FMR1: variants seen among roughly 807,000 people sequenced by gnomAD.
FMR1 encodes FMRP translational regulator 1.
FMR1 carries 13 observed loss-of-function variants against 50.6 expected under a neutral mutation model. The observed-to-expected ratio is 0.26, with a 90% confidence interval of 0.17 to 0.41. The LOEUF is 0.41. Among genes scored for constraint, FMR1 ranks in the 10% least tolerant of loss-of-function variants. The probability of loss-of-function intolerance (pLI) is 1.00; values close to 1 mark genes in which losing one functional copy is unlikely to be tolerated. For synonymous variants in FMR1, 138 were observed against 164.1 expected (o/e 0.84, Z 1.22); for missense variants, 316 against 491.3 (o/e 0.64, Z 3.37).
intron 1 of FMR1, among the ~76,000 whole-genome samples, chrX:147,918,315 C>T (rs1557175669): frequency 8.9e-6 from 1 of 111,736 alleles, no homozygotes; most frequent in East Asian, 2.8e-4. Context: ...GTAGACCAAA[C>T]GTAACCTATG....
At chrX:147,934,543 A>T (rs1557179347) in intron 9 of FMR1, among the ~76,000 whole-genome samples, 1 of 111,828 alleles carries the variant, frequency 8.9e-6, no homozygotes, top group Non-Finnish European at 1.9e-5. Context: ...GTAGAACAGA[A>T]TCACAGTAAA....
At chrX:147,928,887 T>A in intron 5 of FMR1, 80 bp downstream of exon 5, 1 of 1,010,568 alleles carries the variant, frequency 9.9e-7, no homozygotes, top group Non-Finnish European at 1.4e-6. Context: ...AGTTTAAAAT[T>A]TTTTAAACTA....
chrX:147,926,359 C>T (rs1162951869), intron 3 of FMR1, among the ~76,000 whole-genome samples: 1 of 111,992 alleles, frequency 8.9e-6, no homozygotes, highest in East Asian at 2.8e-4. Context: ...CAATAATAAG[C>T]ATAATGCCTT....
chrX:147,932,853 C>T, intron 9 of FMR1, 90 bp downstream of exon 9: 2 of 588,695 alleles, frequency 3.4e-6, no homozygotes, highest in Middle Eastern at 5.3e-4. Context: ...TTTTTTCTTA[C>T]TGGAGGGTAT....
chrX:147,922,051 C>T (rs2043195761), intron 2 of FMR1, 66 bp downstream of exon 2: 3 of 695,117 alleles, frequency 4.3e-6, no homozygotes, highest in Non-Finnish European at 6.7e-6. Context: ...TTCTACTCTT[C>T]ATTTTTTAAA....
chrX:147,931,168 T>A (rs2043592343), intron 7 of FMR1, among the ~76,000 whole-genome samples: 1 of 112,010 alleles, frequency 8.9e-6, no homozygotes, highest in South Asian at 3.7e-4. Context: ...TGTGGTTCCT[T>A]CAGTGATTCT....
chrX:147,940,540 A>G, intron 12 of FMR1, 36 bp from the exon 13 acceptor site: 1 of 897,386 alleles, frequency 1.1e-6, no homozygotes, highest in Non-Finnish European at 1.6e-6. Flanking sequence ...ATCTATCATT[A>G]CTTTTATAGG....
At chrX:147,927,529 C>T (rs2043433663) in intron 3 of FMR1, 1 of 111,760 alleles carries the variant, frequency 8.9e-6, no homozygotes, top group Admixed American at 9.5e-5. Context: ...ATGTCTTTAT[C>T]CCCCTTGTCT....
intron 14 of FMR1, chrX:147,944,132 A>G: frequency 2.7e-6 from 2 of 752,843 alleles, no homozygotes; most frequent in East Asian, 3.0e-4. Flanking sequence ...CCTTGAACCT[A>G]ACCCCTAACC....
rs1557173927 is a variant in FMR1 at position 147,912,113 on chromosome X, G to GAGGCGGCGGCGGCGGCGGCGGCGGCGGC, written c.-67_-66insAGGCGGCGGCGGCGGCGGCGGCGGCGGC. 3 of 789,271 alleles carry GAGGCGGCGGCGGCGGCGGCGGCGGCGGC rather than the reference G, an allele frequency of 3.8e-6. No homozygotes were observed. The highest frequency in any genetic ancestry group is 4.6e-5 in the African/African-American group (2 of 43,207). 65.0% of individuals were successfully genotyped at this position (789,271 alleles called of 1,213,427 possible). Reference sequence around the variant, plus strand: ...GGCGGCGGCGGCGGCGGCGGCGGCTGGGCCTCGAGCGCCCGCAGCCCACCT... The same window carrying GAGGCGGCGGCGGCGGCGGCGGCGGCGGC: ...GGCGGCGGCGGCGGCGGCGGCGGCTGAGGCGGCGGCGGCGGCGGCGGCGGCGGCGGCCTCGAGCGCCCGCAGCCCACCT... On this transcript the variant is annotated 5_prime_UTR_variant, in exon 1 of 17. Transcript: ENST00000370475.
At chrX:147,933,756 A>T in intron 9 of FMR1, 1 of 439,491 alleles carries the variant, frequency 2.3e-6, no homozygotes, top group Non-Finnish European at 2.9e-6. Context: ...GTTCTTTGGA[A>T]ACTTTAAAGA....
Position 147,951,111 on chromosome X carries a change from T to A in FMR1, c.*2267T>A. The A allele has an allele frequency of 4.6e-6, 1 of 218,216 alleles. No homozygotes were observed. Among genetic ancestry groups the A allele is most frequent in the Non-Finnish European group, 8.7e-6 (1 of 115,483 alleles). The allele number at this position is 218,216 out of a possible 1,213,427, so 18.0% of individuals were successfully genotyped here. On this transcript the variant is annotated 3_prime_UTR_variant, in exon 17 of 17. Transcript: ENST00000370475. Reference sequence around the variant, plus strand: ...AATTTTTATTAAAAAGTTGCACTTATGAAAAAGCAAAAAATTAGTCTGACA... The same window carrying A: ...AATTTTTATTAAAAAGTTGCACTTAAGAAAAAGCAAAAAATTAGTCTGACA...
rs547257947 is a variant in FMR1 at position 147,941,417 on chromosome X, C to T, written c.1275+755C>T. 3.9e-4 allele frequency among the ~76,000 whole-genome samples: 44 copies of T among 112,367 alleles called. No homozygotes were observed. The South Asian group carries it at 0.016, about 40-fold the overall frequency. ...ATTTTCATAATGTTTTATTTGTATC[C>T]ATACATATCAAAATTATAATGTAGC... On this transcript the variant is annotated intron_variant, in intron 13 of 16. Transcript: ENST00000370475.
At chrX:147,927,574 G>A (rs782026256) in intron 3 of FMR1, 1 of 111,275 alleles carries the variant, frequency 9.0e-6, no homozygotes, top group South Asian at 3.8e-4. Flanking sequence ...GAGTATCCCT[G>A]TCTCTCTGTC....
chrX:147,947,659 A>T (rs1438051676), intron 16 of FMR1: 2 of 109,258 alleles, frequency 1.8e-5, no homozygotes, highest in African/African-American at 6.7e-5. Context: ...GCAGTGAGCC[A>T]AGATCGCGCC....
intron 1 of FMR1, among the ~76,000 whole-genome samples, chrX:147,919,700 G>A (rs782816797): frequency 1.8e-5 from 2 of 112,189 alleles, no homozygotes; most frequent in South Asian, 3.6e-4. Flanking sequence ...TTACAAGGAA[G>A]CTTTCTTTTA....
chrX:147,946,042 A>G (rs1313653771), intron 16 of FMR1, among the ~76,000 whole-genome samples: 12 of 110,975 alleles, frequency 1.1e-4, no homozygotes, highest in Admixed American at 9.5e-4. Flanking sequence ...ATGCCCAGCT[A>G]ATTTTTGTAT....
chrX:147,918,276 C>T (rs2042971078), intron 1 of FMR1, among the ~76,000 whole-genome samples: 1 of 111,761 alleles, frequency 8.9e-6, no homozygotes, highest in South Asian at 3.7e-4. Flanking sequence ...CCTTAGAATT[C>T]ACAGGAGGTA....
In FMR1 at chrX:147,926,813, C is replaced by A. The variant is rs147405152; in HGVS notation, c.198+1180C>A. Among the ~76,000 whole-genome samples, 1,089 of 110,853 alleles carry A rather than the reference C, an allele frequency of 9.8e-3. 6 individuals carry two copies. The highest frequency in any genetic ancestry group is 0.015 in the Non-Finnish European group (809 of 52,981). On this transcript the variant is annotated intron_variant, in intron 3 of 16. Coordinates refer to ENST00000370475, the MANE Select transcript of FMR1 (RefSeq NM_002024.6). ...GGTCCTTGAATTCTTATTTGCTGCA[C>A]TAGGTAGTAAAGGTGTAGCAAAAAC...
Sources: gnomAD v4.1 joint callset for allele counts (sites outside exome capture counted in the v4.1 genomes callset) on GRCh38, gnomAD v4.1.1 for gene constraint, MANE v1.5 for transcripts, NCBI Gene and HGNC (gene_info 2026-07-23, HGNC 2026-07-21) for gene names.